FGD4: variants seen among roughly 807,000 people sequenced by gnomAD.
FGD4 encodes the protein FYVE, RhoGEF and PH domain containing 4, also known as FYVE, RhoGEF and PH domain-containing protein 4.
FGD4 carries 42 observed loss-of-function variants against 102.0 expected under a neutral mutation model. That is an observed-to-expected ratio of 0.41 (90% CI 0.32 to 0.53). The LOEUF is 0.53. FGD4 is among the 20% of genes least tolerant of loss of function. FGD4 has a pLI of 0.21. For synonymous variants in FGD4, 380 were observed against 375.7 expected, an observed-to-expected ratio of 1.01 and a Z score of -0.13; for missense variants, 902 against 1,078.2, an observed-to-expected ratio of 0.84 and a Z score of 2.29.
At chr12:32,410,931 C>CTT (rs747780109) in intron 1 of FGD4, among the ~76,000 whole-genome samples, 1,654 of 126,884 alleles carry the variant, frequency 0.013, 54 homozygotes, top group African/African-American at 0.044. Flanking sequence ...TTTTTTTTTT[C>CTT]TTTTTTTTTT....
At chr12:32,444,490 C>T (rs1227352974) in intron 1 of FGD4, among the ~76,000 whole-genome samples, 2 of 152,060 alleles carry the variant, frequency 1.3e-5, no homozygotes, top group African/African-American at 2.4e-5. Flanking sequence ...CCACAATCTC[C>T]GTCTCCCGGG....
intron 1 of FGD4, among the ~76,000 whole-genome samples, chr12:32,535,179 A>C (rs1175255492): frequency 6.6e-6 from 1 of 152,252 alleles, no homozygotes; most frequent in Non-Finnish European, 1.5e-5. Flanking sequence ...TCTGCTAAAA[A>C]TATTTTTAAT....
rs1161749525 is a variant in FGD4, at chr12:32,506,127, C to T, written c.167-58010C>T. 6.6e-6 allele frequency among the ~76,000 whole-genome samples: 1 copy of T among 152,116 alleles called. No individual in the cohort carries two copies. Among genetic ancestry groups the T allele is most frequent in the Non-Finnish European group, 1.5e-5 (1 of 68,036 alleles). On this transcript the variant is annotated intron_variant, in intron 1 of 16. Transcript: ENST00000534526. The surrounding 1 kb of genome is among the most constrained non-coding windows in gnomAD (Gnocchi z 4.5). Reference sequence around the variant, plus strand: ...GGGCATTGCATGTTGAATGCAAACACGTAGGGCAAGATCAGCTTAACATCC... The same window carrying T: ...GGGCATTGCATGTTGAATGCAAACATGTAGGGCAAGATCAGCTTAACATCC...
intron 1 of FGD4, among the ~76,000 whole-genome samples, chr12:32,530,949 T>TTTTTTTTTTTG (rs1430441067): frequency 2.4e-5 from 3 of 126,416 alleles, no homozygotes; most frequent in African/African-American, 9.6e-5. Context: ...TGGTTTTTTT[T>TTTTTTTTTTTG]TTTTTTTTTT....
intron 1 of FGD4, among the ~76,000 whole-genome samples, chr12:32,545,472 T>C (rs191562808): frequency 6.6e-6 from 1 of 152,190 alleles, no homozygotes; most frequent in Non-Finnish European, 1.5e-5. Flanking sequence ...TTGTAAACAT[T>C]TTAGGCTTTG....
Position 32,575,609 on chromosome 12 carries a change from C to T in FGD4, c.320-657C>T, listed in dbSNP as rs534691224. 7.2e-5 allele frequency among the ~76,000 whole-genome samples: 11 copies of T among 152,300 alleles called. No individual in the cohort carries two copies. The South Asian group carries it at 2.3e-3, about 32-fold the overall frequency. ...GGGACAAATATCCAAGCCTGTAGCA[C>T]CAACTCTGTTACCCCAGGTCAGTCA... On this transcript the variant is annotated intron_variant, in intron 2 of 16. Transcript: ENST00000534526.
chr12:32,482,145 C>T (rs890778626), intron 1 of FGD4, among the ~76,000 whole-genome samples: 1 of 152,096 alleles, frequency 6.6e-6, no homozygotes, highest in Non-Finnish European at 1.5e-5. Flanking sequence ...TTCAAGGCCA[C>T]ATTATATATT....
chr12:32,411,089 C>T (rs1210018120), intron 1 of FGD4, among the ~76,000 whole-genome samples: 8 of 151,338 alleles, frequency 5.3e-5, no homozygotes, highest in Admixed American at 6.6e-5. Context: ...CCACCACGCC[C>T]GGCTAATTTT....
At chr12:32,424,409 T>C (rs1941757719) in intron 1 of FGD4, among the ~76,000 whole-genome samples, 1 of 152,230 alleles carries the variant, frequency 6.6e-6, no homozygotes. Context: ...TCATTCTTTT[T>C]TTATGGCTGC....
intron 1 of FGD4, among the ~76,000 whole-genome samples, chr12:32,527,312 T>C (rs889655132): frequency 3.9e-5 from 6 of 152,318 alleles, no homozygotes; most frequent in Middle Eastern, 3.4e-3. Context: ...TCAGGGAGCC[T>C]AGCCTGTGGA....
At chr12:32,633,806 C>G in intron 15 of FGD4, 117 bp downstream of exon 15, 3 of 942,540 alleles carry the variant, frequency 3.2e-6, no homozygotes, top group South Asian at 1.5e-5. Flanking sequence ...ACCTCAGCCT[C>G]CCAAGTTGCT....
At chr12:32,414,971 G>C (rs544531368) in intron 1 of FGD4, among the ~76,000 whole-genome samples, 10 of 152,036 alleles carry the variant, frequency 6.6e-5, no homozygotes, top group African/African-American at 2.2e-4. Flanking sequence ...ATAGATTTTG[G>C]TAGTTGTGTT....
intron 1 of FGD4, among the ~76,000 whole-genome samples, chr12:32,555,860 G>C (rs1944065268): frequency 6.6e-6 from 1 of 151,890 alleles, no homozygotes; most frequent in African/African-American, 2.4e-5. Context: ...GTGAGCCACT[G>C]CGCCCAGCCG....
At chr12:32,552,251 C>T (rs1370002364) in intron 1 of FGD4, among the ~76,000 whole-genome samples, 3 of 152,040 alleles carry the variant, frequency 2.0e-5, no homozygotes, top group African/African-American at 7.2e-5. Context: ...TTTCTGTAAT[C>T]TTTATTTGTT....
chr12:32,413,877 G>A (rs988963941), intron 1 of FGD4, among the ~76,000 whole-genome samples: 3 of 151,952 alleles, frequency 2.0e-5, no homozygotes, highest in African/African-American at 7.3e-5. Flanking sequence ...TTTCTAGGTA[G>A]ATGAAGGAAC....
intron 1 of FGD4, among the ~76,000 whole-genome samples, chr12:32,528,306 C>T (rs1351313220): frequency 6.6e-6 from 1 of 152,190 alleles, no homozygotes; most frequent in Non-Finnish European, 1.5e-5. Flanking sequence ...GTTCCAGGAC[C>T]ATCACCCTCA....
At chr12:32,525,253 C>G (rs930589486) in intron 1 of FGD4, among the ~76,000 whole-genome samples, 1 of 152,170 alleles carries the variant, frequency 6.6e-6, no homozygotes, top group African/African-American at 2.4e-5. Context: ...AGATTATTTT[C>G]TGAGGTGTAA....
chr12:32,600,588 C>CTTTTTTTTT (rs1245510421), intron 5 of FGD4: 29 of 257,840 alleles, frequency 1.1e-4, no homozygotes, highest in African/African-American at 2.8e-4. Flanking sequence ...TTCTTTCTTT[C>CTTTTTTTTT]TTTCTTTTTT....
chr12:32,551,362 A>G lies in FGD4; in HGVS notation c.167-12775A>G, dbSNP rs74072663. Among the ~76,000 whole-genome samples, 1,364 of 152,350 alleles carry G rather than the reference A, an allele frequency of 9.0e-3. 21 individuals are homozygous for G. Among genetic ancestry groups the G allele is most frequent in the African/African-American group, 0.031 (1,280 of 41,578 alleles). ...TAGTTATAACTATTTTAGATATACC[A>G]TGTGCTAGCTACTGTTGTAGTATGC... On this transcript the variant is annotated intron_variant, in intron 1 of 16. Transcript: ENST00000534526.
Sources: gnomAD v4.1 joint callset for allele counts (sites outside exome capture counted in the v4.1 genomes callset) on GRCh38, gnomAD v4.1.1 for gene constraint, Gnocchi (gnomAD v3.1) non-coding constraint, MANE v1.5 for transcripts, NCBI Gene and HGNC (gene_info 2026-07-23, HGNC 2026-07-21) for gene names.